The following HSD17B2 variants were observed in gnomAD, a reference collection of about 807,000 sequenced individuals.
The protein encoded by HSD17B2 is hydroxysteroid 17-beta dehydrogenase 2.
In HSD17B2, 32 loss-of-function variants were observed where a neutral mutation model predicts 26.9. The observed-to-expected ratio is 1.19, with a 90% CI of 0.90 to 1.60. HSD17B2 has a LOEUF of 1.60. Among genes scored for constraint, HSD17B2 ranks in the 40% most tolerant of loss-of-function variants. The pLI is 0.00. For synonymous variants in HSD17B2, 246 were observed against 186.7 expected (o/e 1.32, Z -2.59); for missense variants, 613 against 468.6 (o/e 1.31, Z -2.85).
At chr16:82,066,915 G>A (rs1023322840) in intron 1 of HSD17B2, among the ~76,000 whole-genome samples, 1 of 152,024 alleles carries the variant, frequency 6.6e-6, no homozygotes, top group African/African-American at 2.4e-5. Context: ...TCCTTCTTTT[G>A]CTTTTATACA....
intron 3 of HSD17B2, among the ~76,000 whole-genome samples, chr16:82,087,152 A>C (rs1449734003): frequency 6.6e-6 from 1 of 152,206 alleles, no homozygotes; most frequent in Non-Finnish European, 1.5e-5. Context: ...AAGTTACCTA[A>C]TGTTAGGTTA....
chr16:82,086,731 G>A (rs776679621), intron 3 of HSD17B2, among the ~76,000 whole-genome samples: 2 of 152,196 alleles, frequency 1.3e-5, no homozygotes, highest in Non-Finnish European at 2.9e-5. Context: ...TGTTGACTAC[G>A]TATGTCAGTC....
intron 1 of HSD17B2, among the ~76,000 whole-genome samples, chr16:82,064,730 T>G (rs1914530764): frequency 6.6e-6 from 1 of 152,196 alleles, no homozygotes; most frequent in African/African-American, 2.4e-5. Flanking sequence ...CACTTGAGGT[T>G]TACCAGAGAG....
rs781064741 is a variant in HSD17B2 at position 82,090,921 on chromosome 16, G to T, written c.684G>T (p.Arg228Ser). The stretch of plus-strand genomic sequence containing the variant: ...CCATAGGAGGGGCCCCAATGGAAAG[G>T]CTGGCATCTTATGGCTCATCAAAGG... Reference protein sequence around the residue: ...SSMGGGAPMERLASYGSSKAA... With the variant: ...SSMGGGAPMESLASYGSSKAA... Residue 228 changes from arginine to serine, a missense_variant, in exon 4 of 5, where the codon AGG becomes AGT. Coordinates refer to ENST00000199936, the MANE Select transcript of HSD17B2 (RefSeq NM_002153.3). The T allele has an allele frequency of 2.5e-6, 4 of 1,613,226 alleles. No individual in the cohort carries two copies. The highest frequency in any genetic ancestry group is 1.3e-5 in the African/African-American group (1 of 74,852).
In HSD17B2 at chr16:82,068,357, G is replaced by C. The variant is rs1313073276; in HGVS notation, c.453G>C (p.Lys151Asn). The change falls in exon 2 of 5, where the codon AAG (lysine) becomes AAC (asparagine). Residue 151 changes from lysine (K) to asparagine (N), a missense_variant. Physicochemically the swap from Lys to Asn is moderately conservative, Grantham distance 94 (BLOSUM62 0). Transcript: ENST00000199936. The stretch of plus-strand genomic sequence containing the variant: ...TGCAGATAAAAGATGCTTACAGCAA[G>C]GTTGCAGCAATGCTGCAGGACAGAG... ...KPVQIKDAYS[K>N]VAAMLQDRGL... 6.2e-6 allele frequency: 10 copies of C among 1,613,170 alleles called. No individual in the cohort carries two copies. Among genetic ancestry groups the C allele is most frequent in the East Asian group, 2.2e-5 (1 of 44,870 alleles).
chr16:82,080,558 T>G (rs1428941587), intron 3 of HSD17B2, among the ~76,000 whole-genome samples: 1 of 152,186 alleles, frequency 6.6e-6, no homozygotes, highest in African/African-American at 2.4e-5. Context: ...GCTGACTCCT[T>G]GATTTTATCA....
chr16:82,073,796 G>T (rs2873459), intron 3 of HSD17B2, among the ~76,000 whole-genome samples: 1 of 151,894 alleles, frequency 6.6e-6, no homozygotes, highest in Non-Finnish European at 1.5e-5. Flanking sequence ...TTATAGATTC[G>T]ATGCTATTCC....
intron 1 of HSD17B2, among the ~76,000 whole-genome samples, chr16:82,063,502 G>C (rs1332957828): frequency 6.6e-6 from 1 of 152,072 alleles, no homozygotes; most frequent in African/African-American, 2.4e-5. Context: ...GTAAACACAA[G>C]CAGATGGTCT....
intron 1 of HSD17B2, among the ~76,000 whole-genome samples, chr16:82,038,643 G>C (rs11150436): frequency 0.069 from 10,517 of 152,264 alleles, 1,238 homozygotes; most frequent in African/African-American, 0.24. Flanking sequence ...AAAAAACTTT[G>C]AAGACACACA....
At chr16:82,051,973 G>T (rs1352778852) in intron 1 of HSD17B2, among the ~76,000 whole-genome samples, 1 of 152,234 alleles carries the variant, frequency 6.6e-6, no homozygotes, top group African/African-American at 2.4e-5. Context: ...CCTGGTGCAG[G>T]TCTCTATCAA....
intron 3 of HSD17B2, among the ~76,000 whole-genome samples, chr16:82,085,301 T>G (rs1264779678): frequency 6.6e-6 from 1 of 152,186 alleles, no homozygotes; most frequent in Admixed American, 6.6e-5. Context: ...TTAGGGAGAT[T>G]GTGGGACAAG....
chr16:82,064,471 G>C (rs1187069663), intron 1 of HSD17B2, among the ~76,000 whole-genome samples: 1 of 152,032 alleles, frequency 6.6e-6, no homozygotes, highest in Non-Finnish European at 1.5e-5. Context: ...ATGAACATTT[G>C]TGCACAGGTT....
chr16:82,098,029 C>T (rs1904904613), intron 4 of HSD17B2, 46 bp from the exon 5 acceptor site: 1 of 1,568,036 alleles, frequency 6.4e-7, no homozygotes, highest in Non-Finnish European at 8.6e-7. Flanking sequence ...TCCCTGACTT[C>T]CTTGGCCTTC....
rs1029207700 is a variant in HSD17B2 at position 82,052,825 on chromosome 16, G to A, written c.266-15345G>A. Among the ~76,000 whole-genome samples the A allele has an allele frequency of 2.0e-5, 3 of 152,316 alleles. No individual in the cohort carries two copies. The East Asian group carries it at 5.8e-4, about 29-fold the overall frequency. On this transcript the variant is annotated intron_variant, in intron 1 of 4. Transcript: ENST00000199936. ...TGTAAAAAAGCATAACAGACTGGGT[G>A]CCTTAAAACAGCAGAAATTTATTCA...
chr16:82,047,342 G>A lies in HSD17B2; in HGVS notation c.265+11653G>A, dbSNP rs564486957. ...GGAAGAGCTAGAGAAGAAGACAATGGCATAGGAGGGTTTTAAAAAAGAACT... is the reference window on the plus strand; with the variant it reads ...GGAAGAGCTAGAGAAGAAGACAATGACATAGGAGGGTTTTAAAAAAGAACT... On this transcript the variant is annotated intron_variant, in intron 1 of 4. Coordinates refer to ENST00000199936, the MANE Select transcript of HSD17B2 (RefSeq NM_002153.3). Among the ~76,000 whole-genome samples, 16 of 152,322 alleles carry A rather than the reference G, an allele frequency of 1.1e-4. No homozygotes were observed. The South Asian group carries it at 2.9e-3, about 28-fold the overall frequency.
At chr16:82,097,974 G>A (rs1001204620) in intron 4 of HSD17B2, 101 bp from the exon 5 acceptor site, 1 of 1,091,848 alleles carries the variant, frequency 9.2e-7, no homozygotes, top group Non-Finnish European at 1.3e-6. Context: ...ATAAATAAAC[G>A]TCATTTGCAA....
rs189591265 is a variant in HSD17B2 at position 82,076,550 on chromosome 16, G to A, written c.664+5423G>A. Among the ~76,000 whole-genome samples the A allele has an allele frequency of 5.2e-4, 79 of 152,302 alleles. No homozygotes were observed. The South Asian group carries it at 0.015, about 29-fold the overall frequency. On this transcript the variant is annotated intron_variant, in intron 3 of 4. Transcript: ENST00000199936. ...CAAATTCAGTCAAGTTGCAGGATAC[G>A]AAATCAACATACAAAAATCAGTAGC... is the stretch of plus-strand genomic sequence containing the variant.
At chr16:82,042,002 T>C (rs569174464) in intron 1 of HSD17B2, among the ~76,000 whole-genome samples, 97 of 152,090 alleles carry the variant, frequency 6.4e-4, no homozygotes, top group African/African-American at 1.7e-3. Flanking sequence ...CTTTTCTTTT[T>C]TTTTTTTTTA....
intron 4 of HSD17B2, chr16:82,091,347 A>G: frequency 2.6e-6 from 1 of 386,510 alleles, no homozygotes; most frequent in Non-Finnish European, 4.9e-6. Context: ...GTCCATGCAG[A>G]GGGGCCAGCT....
Sources: gnomAD v4.1 joint callset for allele counts (sites outside exome capture counted in the v4.1 genomes callset) on GRCh38, gnomAD v4.1.1 for gene constraint, MANE v1.5 for transcripts, NCBI Gene and HGNC (gene_info 2026-07-23, HGNC 2026-07-21) for gene names.